RBFOX1: variants seen among roughly 807,000 people sequenced by gnomAD.
The protein encoded by RBFOX1 is RNA binding protein fox-1 homolog 1.
In RBFOX1, 8 loss-of-function variants were observed where a neutral mutation model predicts 57.7. The observed-to-expected ratio is 0.14, with a 90% CI of 0.08 to 0.25. RBFOX1 has a LOEUF of 0.25. Ranked by LOEUF, RBFOX1 falls within the 10% of genes least tolerant of loss-of-function variation. RBFOX1 has a pLI of 1.00. For missense variants in RBFOX1, 611 were observed against 548.5 expected (o/e 1.11, Z -1.14); for synonymous variants, 326 against 222.4 (o/e 1.47, Z -4.15).
intron 1 of RBFOX1, among the ~76,000 whole-genome samples, chr16:6,201,344 G>A (rs957715173): frequency 6.6e-6 from 1 of 152,076 alleles, no homozygotes; most frequent in Non-Finnish European, 1.5e-5. Context: ...TGGATCATAT[G>A]GTAGTTTTAT....
intron 3 of RBFOX1, among the ~76,000 whole-genome samples, chr16:5,789,068 C>T (rs2054604028): frequency 6.6e-6 from 1 of 152,130 alleles, no homozygotes; most frequent in South Asian, 2.1e-4. Flanking sequence ...AGTCCTTGTG[C>T]ACAAACCCTT....
chr16:5,598,429 G>C (rs1443576993), intron 2 of RBFOX1, among the ~76,000 whole-genome samples: 2 of 151,910 alleles, frequency 1.3e-5, no homozygotes, highest in Non-Finnish European at 1.5e-5. Flanking sequence ...TTTGCTGGTA[G>C]CCACACTAAA....
chr16:6,632,243 G>A (rs2098393958), intron 2 of RBFOX1, among the ~76,000 whole-genome samples: 1 of 151,816 alleles, frequency 6.6e-6, no homozygotes, highest in African/African-American at 2.4e-5. Flanking sequence ...TGTTTTCCCT[G>A]CATGCTAGCT....
chr16:7,200,564 A>G (rs890578378), intron 4 of RBFOX1, among the ~76,000 whole-genome samples: 6 of 152,192 alleles, frequency 3.9e-5, no homozygotes, highest in African/African-American at 1.2e-4. Context: ...TCGAGGAAAA[A>G]CATTCAAGAA....
At chr16:6,632,442 C>T (rs185941289) in intron 2 of RBFOX1, among the ~76,000 whole-genome samples, 12 of 152,218 alleles carry the variant, frequency 7.9e-5, no homozygotes, top group Non-Finnish European at 1.6e-4. Context: ...GAATGATATT[C>T]CTGTGGTTAT....
chr16:6,211,043 C>G (rs1015363145), intron 1 of RBFOX1, among the ~76,000 whole-genome samples: 6 of 151,988 alleles, frequency 3.9e-5, no homozygotes, highest in Admixed American at 1.3e-4. Flanking sequence ...GAAGAAAACA[C>G]ACATAGCACT....
At chr16:7,593,749 A>C (rs1013354263) in intron 7 of RBFOX1, among the ~76,000 whole-genome samples, 3 of 151,902 alleles carry the variant, frequency 2.0e-5, no homozygotes, top group African/African-American at 7.3e-5. Context: ...CTATACTCAC[A>C]TTCCACGGGG....
At chr16:5,351,924 C>G (rs1231216868) in intron 1 of RBFOX1, among the ~76,000 whole-genome samples, 1 of 152,180 alleles carries the variant, frequency 6.6e-6, no homozygotes, top group African/African-American at 2.4e-5. Flanking sequence ...CTGTCTCAAC[C>G]TTCCGAGTAG....
chr16:6,827,560 A>G (rs1024548649), intron 3 of RBFOX1, among the ~76,000 whole-genome samples: 1 of 152,124 alleles, frequency 6.6e-6, no homozygotes, highest in Non-Finnish European at 1.5e-5. Context: ...CAGCGCTTTC[A>G]AAATAAAACT....
At chr16:6,863,841 C>G (rs530055013) in intron 3 of RBFOX1, among the ~76,000 whole-genome samples, 1 of 147,502 alleles carries the variant, frequency 6.8e-6, no homozygotes, top group Non-Finnish European at 1.5e-5. Flanking sequence ...AATCAGGTAA[C>G]CAGAAACAAA....
intron 1 of RBFOX1, among the ~76,000 whole-genome samples, chr16:6,272,408 A>C (rs779894120): frequency 1.3e-5 from 2 of 152,208 alleles, no homozygotes; most frequent in Non-Finnish European, 2.9e-5. Flanking sequence ...ATTTTAACCA[A>C]ATACAACTTA....
intron 5 of RBFOX1, among the ~76,000 whole-genome samples, chr16:7,537,381 G>A (rs943464050): frequency 6.6e-6 from 1 of 152,200 alleles, no homozygotes; most frequent in East Asian, 1.9e-4. Context: ...AGTGACCATT[G>A]AGGATGTGAT....
chr16:7,227,946 G>A (rs12709192), intron 4 of RBFOX1, among the ~76,000 whole-genome samples: 1 of 152,164 alleles, frequency 6.6e-6, no homozygotes, highest in South Asian at 2.1e-4. Flanking sequence ...AATTCTTTGC[G>A]GTGAGGAGGC....
At chr16:5,248,599 AGC>A (rs1200178161) in intron 1 of RBFOX1, among the ~76,000 whole-genome samples, 1 of 151,908 alleles carries the variant, frequency 6.6e-6, no homozygotes, top group Admixed American at 6.6e-5. Context: ...AGGGCCGTGG[AGC>A]GCTTGGGGGG....
At chr16:7,327,742 G>A (rs1226144577) in intron 4 of RBFOX1, among the ~76,000 whole-genome samples, 1 of 152,074 alleles carries the variant, frequency 6.6e-6, no homozygotes, top group African/African-American at 2.4e-5. Context: ...AACATGCCTA[G>A]ATCTTCCAGT....
At chr16:6,777,120 T>G (rs1603620206) in intron 3 of RBFOX1, among the ~76,000 whole-genome samples, 1 of 152,152 alleles carries the variant, frequency 6.6e-6, no homozygotes, top group African/African-American at 2.4e-5. Flanking sequence ...GTCTTGGGAT[T>G]AGTGGTCTTG....
chr16:5,714,886 T>G (rs2051630872), intron 3 of RBFOX1, among the ~76,000 whole-genome samples: 1 of 152,188 alleles, frequency 6.6e-6, no homozygotes, highest in Admixed American at 6.5e-5. Context: ...GACATCTCAG[T>G]GACTTCAGTG....
At chr16:6,929,366 G>C (rs971818014) in intron 3 of RBFOX1, among the ~76,000 whole-genome samples, 1 of 152,020 alleles carries the variant, frequency 6.6e-6, no homozygotes, top group African/African-American at 2.4e-5. Context: ...TTAGAATCCC[G>C]GTGCACGTCA....
chr16:6,694,783 C>A (rs143136998), intron 3 of RBFOX1, among the ~76,000 whole-genome samples: 1 of 152,150 alleles, frequency 6.6e-6, no homozygotes, highest in South Asian at 2.1e-4. Context: ...TAATTCAGGG[C>A]AAGGGCTTTT....
Sources: allele counts gnomAD v4.1 joint callset (sites outside exome capture counted in the v4.1 genomes callset), GRCh38; gene constraint gnomAD v4.1.1; transcripts MANE v1.5; gene names NCBI Gene and HGNC (gene_info 2026-07-23, HGNC 2026-07-21).